Variants in ATP6V0B observed in about 807,000 individuals in gnomAD.
ATP6V0B encodes the protein V-type proton ATPase 21 kDa proteolipid subunit c''.
A neutral mutation model predicts 26.2 loss-of-function variants in ATP6V0B; 4 were observed. The observed-to-expected ratio is 0.15, with a 90% CI of 0.08 to 0.35. The LOEUF (loss-of-function observed/expected upper bound fraction) is 0.35. ATP6V0B is among the 10% of genes least tolerant of loss of function. The pLI, the probability that ATP6V0B is intolerant of heterozygous loss-of-function variation, is 1.00. For synonymous variants in ATP6V0B, 110 were observed against 105.8 expected, an observed-to-expected ratio of 1.04 and a Z score of -0.24; for missense variants, 175 against 272.5, an observed-to-expected ratio of 0.64 and a Z score of 2.52.
rs763817422 is a variant in ATP6V0B, at chr1:43,977,992, G to A, written c.603G>A (p.Val201=). Residue 201 remains valine, a synonymous_variant, in exon 8 of 8, where the codon GTG becomes GTA. Coordinates refer to ENST00000472174, the MANE Select transcript of ATP6V0B (RefSeq NM_004047.5). ...TTCTTTTTTTGCAGACCTCCAGAGT[G>A]AAGATGGGTGACTAGATGATATGTG... ...VIVAILQTSR[V]KMGD 13 of 1,614,208 alleles carry A rather than the reference G, an allele frequency of 8.1e-6. No homozygotes were observed. Among genetic ancestry groups the A allele is most frequent in the Middle Eastern group, 1.6e-4 (1 of 6,062 alleles).
Position 43,976,451 on chromosome 1 carries a change from T to TA in ATP6V0B, c.278+73dup. 1.3e-6 allele frequency: 2 copies of TA among 1,551,838 alleles called. No individual in the cohort carries two copies. Among genetic ancestry groups the TA allele is most frequent in the Non-Finnish European group, 1.8e-6 (2 of 1,130,802 alleles). On this transcript the variant is annotated intron_variant, in intron 4 of 7. Coordinates refer to ENST00000472174, the MANE Select transcript of ATP6V0B (RefSeq NM_004047.5). The surrounding 1 kb of genome is among the most constrained non-coding windows in gnomAD (Gnocchi z 4.6). ...CGCTGCCTGTGTGTTTGATCTGACA[T>TA]ACTGTTTCTGACAAGCCACCTTGTG...
intron 1 of ATP6V0B, chr1:43,975,552 G>A: frequency 1.7e-6 from 1 of 582,488 alleles, no homozygotes; most frequent in Non-Finnish European, 3.0e-6. Flanking sequence ...TCCCGCCTCG[G>A]ATTCGGGCTT....
intron 7 of ATP6V0B, chr1:43,977,549 G>A (rs2085535680): frequency 7.0e-7 from 1 of 1,424,256 alleles, no homozygotes; most frequent in African/African-American, 1.4e-5. Context: ...GACTAGAATG[G>A]AATTTTGTCT....
chr1:43,977,145 G>T lies in ATP6V0B; in HGVS notation c.520G>T (p.Val174Leu), dbSNP rs1441783016. Residue 174 changes from valine (V) to leucine (L), a missense_variant, in exon 7 of 8, where the codon GTA (valine) becomes TTA (leucine). Val to Leu is a conservative substitution (Grantham distance 32). Around this residue, in one of 3 missense-constraint regions of ATP6V0B, gnomAD observed 97 missense variants for 158.0 expected, o/e 0.61. Coordinates refer to ENST00000472174, the MANE Select transcript of ATP6V0B (RefSeq NM_004047.5). ...LADAQNPSLFVKILIVEIFGS... is the reference protein window; with the variant it reads ...LADAQNPSLFLKILIVEIFGS... ...CGATGCTCAGAACCCCAGCCTCTTT[G>T]TAAAGATTCTCATCGTGGAGATCTT... 3 of 1,614,254 alleles carry T rather than the reference G, an allele frequency of 1.9e-6. No individual in the cohort carries two copies. Among genetic ancestry groups the T allele is most frequent in the Non-Finnish European group, 1.7e-6 (2 of 1,180,050 alleles).
rs1286403557 is a variant in ATP6V0B, at chr1:43,976,542, ATTTC to A, written c.279-42_279-39del. On this transcript the variant is annotated intron_variant, in intron 4 of 7. Coordinates refer to ENST00000472174, the MANE Select transcript of ATP6V0B (RefSeq NM_004047.5). This position sits in a 1 kb window ranked among gnomAD's most constrained non-coding sequence, Gnocchi z 4.6. ...GGGCAGGAAGGACGGTTTCTTTCTC[ATTTC>A]TTTCTCCTTTCCACTCCTTACCCCT... 2 of 1,604,498 alleles carry A rather than the reference ATTTC, an allele frequency of 1.2e-6. No individual in the cohort carries two copies. Among genetic ancestry groups the A allele is most frequent in the South Asian group, 2.2e-5 (2 of 90,718 alleles).
Position 43,976,874 on chromosome 1 carries a change from T to C in ATP6V0B, c.400+50T>C. 1 of 1,609,552 alleles carries C rather than the reference T, an allele frequency of 6.2e-7. No individual in the cohort carries two copies. Among genetic ancestry groups the C allele is most frequent in the African/African-American group, 1.3e-5 (1 of 74,978 alleles). Reference sequence around the variant, plus strand: ...AAAATGCTGGGACTTCATGCCTGCTTCCACTCTCCCCCATCCCAGCTTGGG... The same window carrying C: ...AAAATGCTGGGACTTCATGCCTGCTCCCACTCTCCCCCATCCCAGCTTGGG... On this transcript the variant is annotated intron_variant, in intron 6 of 7. Coordinates refer to ENST00000472174, the MANE Select transcript of ATP6V0B (RefSeq NM_004047.5). The surrounding 1 kb of genome is among the most constrained non-coding windows in gnomAD (Gnocchi z 4.6).
chr1:43,975,490 C>G, intron 1 of ATP6V0B: 1 of 550,926 alleles, frequency 1.8e-6, no homozygotes, highest in Non-Finnish European at 3.2e-6. Context: ...GTTGGGTAAA[C>G]AGCGGAACGG....
At position 43,976,767 on chromosome 1, in the gene ATP6V0B, C is replaced by T. The variant is rs755235142; in HGVS notation, c.349-6C>T. 9.9e-6 allele frequency: 16 copies of T among 1,614,054 alleles called. No homozygotes were observed. In the East Asian group the frequency reaches 3.1e-4, roughly 31 times the overall value. The stretch of plus-strand genomic sequence containing the variant: ...TGGTTTCTGATTACTTTTCTTCTTC[C>T]CTCAGCCTTTCAGTGCCACAGACCC... On this transcript the variant is annotated splice_region_variant and splice_polypyrimidine_tract_variant and intron_variant, in intron 5 of 7. Transcript: ENST00000472174. The surrounding 1 kb of genome is among the most constrained non-coding windows in gnomAD (Gnocchi z 4.6).
intron 2 of ATP6V0B, 118 bp from the exon 3 acceptor site, chr1:43,975,972 G>T (rs545664659): frequency 4.6e-6 from 7 of 1,509,154 alleles, no homozygotes; most frequent in Non-Finnish European, 5.5e-6. Context: ...TGGGAAATAC[G>T]CGGTCAGTTG....
At position 43,976,145 on chromosome 1, in the gene ATP6V0B, A is replaced by G. The variant is rs896191108; in HGVS notation, c.172A>G (p.Ile58Val). 1.2e-6 allele frequency: 2 copies of G among 1,613,804 alleles called. No homozygotes were observed. Among genetic ancestry groups the G allele is most frequent in the Non-Finnish European group, 1.7e-6 (2 of 1,179,948 alleles). The change falls in exon 3 of 8, where the codon ATC becomes GTC. Residue 58 changes from isoleucine to valine, a missense_variant. By Grantham distance (29) the Ile-to-Val change is conservative. Transcript: ENST00000472174. This position sits in a 1 kb window ranked among gnomAD's most constrained non-coding sequence, Gnocchi z 4.6. ...MWSNLGIGLA[I>V]SLSVVGAAWG... is the part of the protein sequence containing the mutation. The stretch of plus-strand genomic sequence containing the variant: ...GTCCAACCTGGGCATTGGCCTAGCT[A>G]TCTCCCTGTCTGTGGTTGGGGCAGC...
At chr1:43,975,911 T>G (rs1368828574) in intron 2 of ATP6V0B, 63 bp downstream of exon 2, 3 of 1,538,824 alleles carry the variant, frequency 1.9e-6, no homozygotes, top group Non-Finnish European at 2.6e-6. Context: ...TCTTCTTTTC[T>G]CTGGTCTGAG....
At position 43,978,158 on chromosome 1, in the gene ATP6V0B, C is replaced by A. The variant is rs1293570378; in HGVS notation, c.*151C>A. The A allele has an allele frequency of 9.6e-6, 11 of 1,145,622 alleles. No homozygotes were observed. Among genetic ancestry groups the A allele is most frequent in the Non-Finnish European group, 1.4e-5 (11 of 774,382 alleles). 71.0% of individuals were successfully genotyped at this position (1,145,622 alleles called of 1,614,324 possible). A position where few individuals can be genotyped will look rare whatever the true frequency, so the allele number is the denominator to read the frequency against. The stretch of plus-strand genomic sequence containing the variant: ...GCTGCGTGTTGATTTGGAGGCACTG[C>A]AGTCCAGGCCGAGTCCTCAGTGCGG... On this transcript the variant is annotated 3_prime_UTR_variant, in exon 8 of 8. Transcript: ENST00000472174.
chr1:43,976,851 A>G lies in ATP6V0B; in HGVS notation c.400+27A>G, dbSNP rs753401849. ...TGGGTGGATGGGCGTATGAATGCAA[A>G]ATGCTGGGACTTCATGCCTGCTTCC... On this transcript the variant is annotated intron_variant, in intron 6 of 7. Coordinates refer to ENST00000472174, the MANE Select transcript of ATP6V0B (RefSeq NM_004047.5). This position sits in a 1 kb window ranked among gnomAD's most constrained non-coding sequence, Gnocchi z 4.6. 1 of 1,613,180 alleles carries G rather than the reference A, an allele frequency of 6.2e-7. No individual in the cohort carries two copies. Among genetic ancestry groups the G allele is most frequent in the African/African-American group, 1.3e-5 (1 of 74,912 alleles).
At chr1:43,977,289 A>C in intron 7 of ATP6V0B, 73 bp downstream of exon 7, 1 of 1,613,494 alleles carries the variant, frequency 6.2e-7, no homozygotes, top group Non-Finnish European at 8.5e-7. Context: ...GGAGAAGCTG[A>C]AGTGCTCTCC....
At chr1:43,977,946 G>C in intron 7 of ATP6V0B, 35 bp from the exon 8 acceptor site, 1 of 1,614,086 alleles carries the variant, frequency 6.2e-7, no homozygotes, top group South Asian at 1.1e-5. Context: ...CTATTCCTCT[G>C]TCCCTGCCTG....
chr1:43,977,270 C>T (rs772428293), intron 7 of ATP6V0B, 54 bp downstream of exon 7: 3 of 1,614,070 alleles, frequency 1.9e-6, no homozygotes, highest in South Asian at 1.1e-5. Context: ...CTAGCCTTAC[C>T]CTCCTTCTGG....
intron 1 of ATP6V0B, chr1:43,975,411 G>T (rs534360747): frequency 7.3e-6 from 4 of 545,696 alleles, no homozygotes; most frequent in Non-Finnish European, 1.3e-5. Context: ...TGACCGGCCC[G>T]CTCGGTCACA....
rs1557646475 is a variant in ATP6V0B at position 43,976,190 on chromosome 1, T to C, written c.200+17T>C. The C allele has an allele frequency of 6.2e-7, 1 of 1,612,380 alleles. No individual in the cohort carries two copies. On this transcript the variant is annotated intron_variant, in intron 3 of 7. Transcript: ENST00000472174. This position sits in a 1 kb window ranked among gnomAD's most constrained non-coding sequence, Gnocchi z 4.6. ...GGCAGCCTGGTGAGTATTGGGGTGG[T>C]GGGACTGGGGGCAGGGGCTGAGTCA... is the stretch of plus-strand genomic sequence containing the variant.
chr1:43,977,778 C>G (rs148667492), intron 7 of ATP6V0B: 3 of 1,490,114 alleles, frequency 2.0e-6, no homozygotes, highest in East Asian at 4.7e-5. Flanking sequence ...CCATATGCCA[C>G]TTCTCTCCGT....
Sources: allele counts gnomAD v4.1 joint callset, GRCh38; gene constraint gnomAD v4.1.1; regional missense constraint gnomAD v4.1.1; non-coding constraint Gnocchi (gnomAD v3.1); transcripts MANE v1.5; gene names NCBI Gene and HGNC (gene_info 2026-07-23, HGNC 2026-07-21).